HSPA12B: variants seen among roughly 807,000 people sequenced by gnomAD.
The protein encoded by HSPA12B is heat shock 70 kDa protein 12B.
Under a neutral mutation model 69.3 loss-of-function variants are expected in HSPA12B, and 54 were observed. The ratio of observed to expected loss-of-function variants is 0.78; its 90% CI spans 0.63 to 0.98. HSPA12B has a LOEUF of 0.98. Ranked by LOEUF, HSPA12B falls within the 50% of genes least tolerant of loss-of-function variation. The pLI, the probability that HSPA12B is intolerant of heterozygous loss-of-function variation, is 0.00. For missense variants in HSPA12B, 929 were observed against 999.8 expected (o/e 0.93, Z 0.96); for synonymous variants, 441 against 436.5 (o/e 1.01, Z -0.13).
chr20:3,734,255 G>C (rs2088073955), intron 1 of HSPA12B, among the ~76,000 whole-genome samples: 4 of 152,194 alleles, frequency 2.6e-5, no homozygotes, highest in Admixed American at 2.6e-4. Flanking sequence ...CTGGTTGTGA[G>C]TTCCTGCTGG....
At chr20:3,741,367 C>T (rs1039890833) in intron 3 of HSPA12B, among the ~76,000 whole-genome samples, 4 of 151,806 alleles carry the variant, frequency 2.6e-5, no homozygotes, top group African/African-American at 9.7e-5. Flanking sequence ...CATGGTGGCT[C>T]ATACCTGTAA....
intron 11 of HSPA12B, 86 bp downstream of exon 11, chr20:3,750,313 T>TG (rs1320373411): frequency 1.5e-6 from 2 of 1,348,442 alleles, no homozygotes; most frequent in Middle Eastern, 2.3e-4. Flanking sequence ...CAAGGAACGG[T>TG]GGGGGTCTGC....
intron 7 of HSPA12B, 79 bp from the exon 8 acceptor site, chr20:3,748,138 G>T (rs554632613): frequency 3.0e-5 from 39 of 1,284,718 alleles, no homozygotes; most frequent in Non-Finnish European, 3.6e-5. Context: ...CCCACAGGCC[G>T]CGGTTCCCCA....
chr20:3,749,893 C>G lies in HSPA12B; in HGVS notation c.1042+39C>G. 6.5e-7 allele frequency: 1 copy of G among 1,539,682 alleles called. No homozygotes were observed. The highest frequency in any genetic ancestry group is 2.4e-5 in the East Asian group (1 of 41,918). ...CGGCGCCCCGGTACCCAGCGCGACC[C>G]GGGCTCCGGCCCCGCCACTGCCCCC... is the stretch of plus-strand genomic sequence containing the variant. On this transcript the variant is annotated intron_variant, in intron 10 of 12. Coordinates refer to ENST00000254963, the MANE Select transcript of HSPA12B (RefSeq NM_052970.5). The surrounding 1 kb of genome is among the most constrained non-coding windows in gnomAD (Gnocchi z 5.5).
rs1326716075 is a variant in HSPA12B, at chr20:3,744,896, C to A, written c.267-6C>A. On this transcript the variant is annotated splice_polypyrimidine_tract_variant and splice_region_variant and intron_variant, in intron 4 of 12. Coordinates refer to ENST00000254963, the MANE Select transcript of HSPA12B (RefSeq NM_052970.5). This position sits in a 1 kb window ranked among gnomAD's most constrained non-coding sequence, Gnocchi z 4.9. ...GGGTTGCACTGACTGCCCTGTGCCT[C>A]CGCAGGAAATGGGAGGGCGGAGACC... 7 of 1,611,500 alleles carry A rather than the reference C, an allele frequency of 4.3e-6. No homozygotes were observed. The Admixed American group carries it at 1.0e-4, about 23-fold the overall frequency.
At position 3,751,893 on chromosome 20, in the gene HSPA12B, G is replaced by C; in HGVS notation, c.1788G>C (p.Pro596=). The C allele has an allele frequency of 1.3e-6, 2 of 1,569,542 alleles. No individual in the cohort carries two copies. Among genetic ancestry groups the C allele is most frequent in the South Asian group, 1.1e-5 (1 of 86,958 alleles). Residue 596 remains proline (P), a synonymous_variant, in exon 13 of 13, where the codon CCG becomes CCC. Transcript: ENST00000254963. The part of the protein sequence containing the change: ...LGEEVRRSYC[P]ARPGQRRVLI... Reference sequence around the variant, plus strand: ...AGGAGGTGCGGCGCAGCTACTGCCCGGCGCGTCCCGGCCAGCGGCGCGTAC... The same window carrying C: ...AGGAGGTGCGGCGCAGCTACTGCCCCGCGCGTCCCGGCCAGCGGCGCGTAC...
In HSPA12B at chr20:3,745,677, TC is replaced by T; in HGVS notation, c.558+84del. ...CATCCGAAACCGCTCCCCCATCCCGTCCCCGACATTGGATGGGTAGCCACCG... is the reference window on the plus strand; with the variant it reads ...CATCCGAAACCGCTCCCCCATCCCGTCCCGACATTGGATGGGTAGCCACCG... On this transcript the variant is annotated intron_variant, in intron 6 of 12. Transcript: ENST00000254963. This position sits in a 1 kb window ranked among gnomAD's most constrained non-coding sequence, Gnocchi z 5.6. The T allele has an allele frequency of 7.8e-7, 1 of 1,281,348 alleles. No homozygotes were observed. The highest frequency in any genetic ancestry group is 1.1e-6 in the Non-Finnish European group (1 of 891,008). 79.4% of individuals were successfully genotyped at this position (1,281,348 alleles called of 1,614,324 possible). A position where few individuals can be genotyped will look rare whatever the true frequency, so the allele number is the denominator to read the frequency against.
chr20:3,743,477 G>A lies in HSPA12B; in HGVS notation c.266+1069G>A, dbSNP rs531006127. The stretch of plus-strand genomic sequence containing the variant: ...TCCCAAAAATGCTGGAATTGCAGGC[G>A]TGAGCCACCATGCCCAGCCCACAAA... On this transcript the variant is annotated intron_variant, in intron 4 of 12. Coordinates refer to ENST00000254963, the MANE Select transcript of HSPA12B (RefSeq NM_052970.5). Among the ~76,000 whole-genome samples, 45 of 152,154 alleles carry A rather than the reference G, an allele frequency of 3.0e-4. 1 individual carries two copies. The Middle Eastern group carries it at 0.014, about 46-fold the overall frequency.
chr20:3,740,148 A>T lies in HSPA12B; in HGVS notation c.44-667A>T, dbSNP rs1001803890. Among the ~76,000 whole-genome samples the T allele has an allele frequency of 6.7e-6, 1 of 149,642 alleles. No individual in the cohort carries two copies. The highest frequency in any genetic ancestry group is 2.5e-5 in the African/African-American group (1 of 39,398). ...TGAAATGCTGGCTCAGGGTGTGTGT[A>T]TGTGTGTGTGTGGGGGGTGGGAATC... On this transcript the variant is annotated intron_variant, in intron 2 of 12. Coordinates refer to ENST00000254963, the MANE Select transcript of HSPA12B (RefSeq NM_052970.5). The surrounding 1 kb of genome is among the most constrained non-coding windows in gnomAD (Gnocchi z 4.9).
At position 3,750,208 on chromosome 20, in the gene HSPA12B, A is replaced by T; in HGVS notation, c.1282A>T (p.Thr428Ser). The T allele has an allele frequency of 6.2e-7, 1 of 1,606,038 alleles. No homozygotes were observed. The highest frequency in any genetic ancestry group is 8.5e-7 in the Non-Finnish European group (1 of 1,175,222). ...YRKQRGHNVETALRRSSVNFV... is the reference protein window; with the variant it reads ...YRKQRGHNVESALRRSSVNFV... ...CAAGCAGCGGGGCCACAACGTGGAG[A>T]CCGCTCTGCGCAGGAGCAGGTGGGT... The change falls in exon 11 of 13, where the codon ACC (threonine) becomes TCC (serine). Residue 428 changes from threonine (T) to serine (S), a missense_variant. Physicochemically the swap from Thr to Ser is moderately conservative, Grantham distance 58. Transcript: ENST00000254963.
Position 3,737,695 on chromosome 20 carries a change from C to G in HSPA12B, c.-17-963C>G, listed in dbSNP as rs962334953. ...GTTCTCCTCGTGACAGAGTGACACC[C>G]TATCTCAAAACAAACAAACAACGAA... On this transcript the variant is annotated intron_variant, in intron 1 of 12. Transcript: ENST00000254963. This position sits in a 1 kb window ranked among gnomAD's most constrained non-coding sequence, Gnocchi z 4.1. Among the ~76,000 whole-genome samples the G allele has an allele frequency of 6.6e-6, 1 of 152,110 alleles. No homozygotes were observed. Among genetic ancestry groups the G allele is most frequent in the South Asian group, 2.1e-4 (1 of 4,832 alleles).
chr20:3,750,194 G>C lies in HSPA12B; in HGVS notation c.1268G>C (p.Gly423Ala). 2 of 1,608,734 alleles carry C rather than the reference G, an allele frequency of 1.2e-6. No homozygotes were observed. The highest frequency in any genetic ancestry group is 1.7e-6 in the Non-Finnish European group (2 of 1,177,042). ...SFIDFYRKQR[G>A]HNVETALRRS... ...ATTGACTTCTACCGCAAGCAGCGGGGCCACAACGTGGAGACCGCTCTGCGC... is the reference window on the plus strand; with the variant it reads ...ATTGACTTCTACCGCAAGCAGCGGGCCCACAACGTGGAGACCGCTCTGCGC... Residue 423 changes from glycine to alanine, a missense_variant, in exon 11 of 13, where the codon GGC becomes GCC. Coordinates refer to ENST00000254963, the MANE Select transcript of HSPA12B (RefSeq NM_052970.5).
rs984814567 is a variant in HSPA12B at position 3,740,080 on chromosome 20, C to T, written c.44-735C>T. ...ACTCCCTCCCACCAAAGGTCCAGCTCAGTCCCAGGCGTGCAAGAGGGTCTT... is the reference window on the plus strand; with the variant it reads ...ACTCCCTCCCACCAAAGGTCCAGCTTAGTCCCAGGCGTGCAAGAGGGTCTT... On this transcript the variant is annotated intron_variant, in intron 2 of 12. Transcript: ENST00000254963. The surrounding 1 kb of genome is among the most constrained non-coding windows in gnomAD (Gnocchi z 4.9). Among the ~76,000 whole-genome samples, 1 of 152,168 alleles carries T rather than the reference C, an allele frequency of 6.6e-6. No individual in the cohort carries two copies. The highest frequency in any genetic ancestry group is 1.5e-5 in the Non-Finnish European group (1 of 68,026).
Position 3,749,575 on chromosome 20 carries a change from G to A in HSPA12B, c.938-175G>A, listed in dbSNP as rs1266723828. 6.6e-6 allele frequency among the ~76,000 whole-genome samples: 1 copy of A among 152,160 alleles called. No homozygotes were observed. The highest frequency in any genetic ancestry group is 2.4e-5 in the African/African-American group (1 of 41,434). ...GAACCATTTCTGCCCCACACCCTGC[G>A]CCCATATGTGGTGGTCTGAGGTTCA... is the stretch of plus-strand genomic sequence containing the variant. On this transcript the variant is annotated intron_variant, in intron 9 of 12. Coordinates refer to ENST00000254963, the MANE Select transcript of HSPA12B (RefSeq NM_052970.5). The surrounding 1 kb of genome is among the most constrained non-coding windows in gnomAD (Gnocchi z 5.5).
rs540882059 is a variant in HSPA12B, at chr20:3,751,913, G to A, written c.1808G>A (p.Arg603His). Residue 603 changes from arginine to histidine, a missense_variant, in exon 13 of 13, where the codon CGC becomes CAC. This residue lies in a region of HSPA12B where 448 missense variants were observed against 448.1 expected (regional missense o/e 1.00). Transcript: ENST00000254963. ...SYCPARPGQR[R>H]VLINLYCCAA... is the part of the protein sequence containing the mutation. ...TGCCCGGCGCGTCCCGGCCAGCGGC[G>A]CGTACTCATCAACCTGTACTGCTGC... The A allele has an allele frequency of 3.2e-6, 5 of 1,582,862 alleles. No homozygotes were observed. The South Asian group carries it at 4.5e-5, about 14-fold the overall frequency.
chr20:3,752,454 G>A lies in HSPA12B; in HGVS notation c.*288G>A. 1 of 353,976 alleles carries A rather than the reference G, an allele frequency of 2.8e-6. No individual in the cohort carries two copies. Among genetic ancestry groups the A allele is most frequent in the East Asian group, 4.3e-5 (1 of 23,090 alleles). The allele number at this position is 353,976 out of a possible 1,614,324, so 21.9% of individuals were successfully genotyped here. A position where few individuals can be genotyped will look rare whatever the true frequency, so the allele number is the denominator to read the frequency against. ...AGACAGAGCGCGCAGCCCGGCAAGG[G>A]GCATGTGACCCCGAAGGAAGAACGC... On this transcript the variant is annotated 3_prime_UTR_variant, in exon 13 of 13. Coordinates refer to ENST00000254963, the MANE Select transcript of HSPA12B (RefSeq NM_052970.5).
Position 3,745,633 on chromosome 20 carries a change from G to A in HSPA12B, c.558+36G>A. 4.5e-6 allele frequency: 7 copies of A among 1,571,582 alleles called. No individual in the cohort carries two copies. The highest frequency in any genetic ancestry group is 2.7e-5 in the African/African-American group (2 of 74,214). ...GCCCCACCTCTGCCGACTGTGGCAGGGACCCCCTATTTTCCCCTCATCCGA... is the reference window on the plus strand; with the variant it reads ...GCCCCACCTCTGCCGACTGTGGCAGAGACCCCCTATTTTCCCCTCATCCGA... On this transcript the variant is annotated intron_variant, in intron 6 of 12. Transcript: ENST00000254963. This position sits in a 1 kb window ranked among gnomAD's most constrained non-coding sequence, Gnocchi z 5.6.
At position 3,749,247 on chromosome 20, in the gene HSPA12B, G is replaced by A; in HGVS notation, c.866G>A (p.Arg289Gln). The change falls in exon 9 of 13, where the codon CGA becomes CAA. Residue 289 changes from arginine to glutamine, a missense_variant. Arg to Gln is a conservative substitution (Grantham distance 43, BLOSUM62 1). This residue lies in a region of HSPA12B where 477 missense variants were observed against 535.2 expected (regional missense o/e 0.89). Transcript: ENST00000254963. This position sits in a 1 kb window ranked among gnomAD's most constrained non-coding sequence, Gnocchi z 5.5. ...SSFRQAREQL[R>Q]RSRHSRTFLV... ...TGACCCCCAGCTCGGGAGCAGCTGC[G>A]AAGGTCCCGCCACAGCCGCACGTTC... 3.7e-6 allele frequency: 6 copies of A among 1,612,996 alleles called. No individual in the cohort carries two copies. Among genetic ancestry groups the A allele is most frequent in the South Asian group, 1.1e-5 (1 of 90,922 alleles).
Position 3,749,235 on chromosome 20 carries a change from G to C in HSPA12B, c.854G>C (p.Arg285Pro). ...CCTGCTGTCTCCTGACCCCCAGCTC[G>C]GGAGCAGCTGCGAAGGTCCCGCCAC... ...RSIDSSFRQA[R>P]EQLRRSRHSR... is the part of the protein sequence containing the mutation. Residue 285 changes from arginine to proline, a missense_variant, in exon 9 of 13, where the codon CGG (arginine) becomes CCG (proline). By Grantham distance (103) the Arg-to-Pro change is moderately radical (BLOSUM62 -2). This residue lies in a region of HSPA12B where 477 missense variants were observed against 535.2 expected (regional missense o/e 0.89). Transcript: ENST00000254963. The surrounding 1 kb of genome is among the most constrained non-coding windows in gnomAD (Gnocchi z 5.5). 5.0e-6 allele frequency: 8 copies of C among 1,612,544 alleles called. No individual in the cohort carries two copies. The highest frequency in any genetic ancestry group is 6.8e-6 in the Non-Finnish European group (8 of 1,179,420).
Sources: gnomAD v4.1 joint callset for allele counts (sites outside exome capture counted in the v4.1 genomes callset) on GRCh38, gnomAD v4.1.1 for gene constraint, gnomAD v4.1.1 regional missense constraint, Gnocchi (gnomAD v3.1) non-coding constraint, MANE v1.5 for transcripts, NCBI Gene and HGNC (gene_info 2026-07-23, HGNC 2026-07-21) for gene names.